DIAPH2: variants seen among roughly 807,000 people sequenced by gnomAD.
DIAPH2 encodes diaphanous related formin 2.
DIAPH2 carries 35 observed loss-of-function variants against 92.7 expected under a neutral mutation model. The observed-to-expected ratio is 0.38, with a 90% CI of 0.29 to 0.50. The LOEUF is 0.50. DIAPH2 is among the 20% of genes least tolerant of loss of function. DIAPH2 has a pLI of 0.94. For synonymous variants in DIAPH2, 301 were observed against 280.4 expected (o/e 1.07, Z -0.73); for missense variants, 701 against 819.5 (o/e 0.86, Z 1.77).
chrX:97,115,030 G>A (rs1569304657), intron 21 of DIAPH2, 65 bp downstream of exon 21: 8 of 1,024,703 alleles, frequency 7.8e-6, no homozygotes, highest in Non-Finnish European at 1.0e-5. Flanking sequence ...AGGTGATACT[G>A]CAAATAGCAA....
chrX:97,517,371 A>C (rs1322125865), intron 26 of DIAPH2, among the ~76,000 whole-genome samples: 1 of 112,185 alleles, frequency 8.9e-6, no homozygotes, highest in Non-Finnish European at 1.9e-5. Flanking sequence ...TCAATGAAAT[A>C]ATAAAGATGA....
intron 26 of DIAPH2, among the ~76,000 whole-genome samples, chrX:97,588,996 A>AATATATATATGTAT (rs2071496835): frequency 3.2e-5 from 1 of 31,721 alleles, no homozygotes; most frequent in Admixed American, 7.2e-4. Flanking sequence ...ATATTATAGA[A>AATATATATATGTAT]ATATATATAT....
At chrX:97,326,771 T>G (rs994015668) in intron 23 of DIAPH2, among the ~76,000 whole-genome samples, 11 of 112,387 alleles carry the variant, frequency 9.8e-5, no homozygotes, top group Non-Finnish European at 1.9e-4. Context: ...AGCATTGCAG[T>G]TTGCAAAGAT....
intron 17 of DIAPH2, among the ~76,000 whole-genome samples, chrX:97,005,866 TC>T (rs1010206467): frequency 2.3e-4 from 25 of 109,959 alleles, no homozygotes; most frequent in Admixed American, 5.8e-4. Context: ...GATCTTGCTT[TC>T]CTAGTTCATT....
rs774703182 is a variant in DIAPH2, at chrX:97,047,158, G to A, written c.2051-25783G>A. On this transcript the variant is annotated intron_variant, in intron 17 of 26. Coordinates refer to ENST00000324765, the MANE Select transcript of DIAPH2 (RefSeq NM_006729.5). ...GGAGATCTGAAGATTAAATGGAAAA[G>A]ATGGAGTAGCTGAATTATGCTACCT... Among the ~76,000 whole-genome samples the A allele has an allele frequency of 3.8e-3, 426 of 111,372 alleles. 1 individual carries two copies. Among genetic ancestry groups the A allele is most frequent in the African/African-American group, 0.013 (403 of 30,686 alleles).
chrX:97,129,117 T>TTTTC (rs2067115055), intron 21 of DIAPH2, among the ~76,000 whole-genome samples: 4 of 80,129 alleles, frequency 5.0e-5, no homozygotes, highest in Admixed American at 1.6e-4. Context: ...TTTTCTTTTC[T>TTTTC]TTTCTTTTCT....
intron 26 of DIAPH2, among the ~76,000 whole-genome samples, chrX:97,595,599 T>C (rs1338631859): frequency 9.0e-6 from 1 of 110,998 alleles, no homozygotes; most frequent in African/African-American, 3.3e-5. Context: ...TCTTTCTTTC[T>C]CTTTCTTTCT....
intron 4 of DIAPH2, among the ~76,000 whole-genome samples, chrX:96,861,234 T>G (rs1024907503): frequency 5.4e-5 from 6 of 111,342 alleles, no homozygotes; most frequent in Admixed American, 1.9e-4. Flanking sequence ...AAAAAATCTA[T>G]TATCAGTAAA....
At chrX:96,713,343 A>AT (rs918143422) in intron 1 of DIAPH2, among the ~76,000 whole-genome samples, 2 of 110,472 alleles carry the variant, frequency 1.8e-5, no homozygotes, top group Non-Finnish European at 3.8e-5. Context: ...GATGAACTCT[A>AT]TTTTTTACAG....
intron 21 of DIAPH2, among the ~76,000 whole-genome samples, chrX:97,127,656 A>C (rs2067102250): frequency 8.9e-6 from 1 of 112,566 alleles, no homozygotes; most frequent in Admixed American, 9.4e-5. Flanking sequence ...ACTTGAACCT[A>C]ACCTATAATT....
At chrX:97,190,382 A>T (rs889569515) in intron 22 of DIAPH2, among the ~76,000 whole-genome samples, 1 of 112,856 alleles carries the variant, frequency 8.9e-6, no homozygotes, top group Non-Finnish European at 1.9e-5. Context: ...TTGTTTCAGC[A>T]GAGTGGAGAG....
intron 25 of DIAPH2, among the ~76,000 whole-genome samples, chrX:97,412,694 G>A (rs767811192): frequency 1.3e-3 from 141 of 110,959 alleles, no homozygotes; most frequent in African/African-American, 4.3e-3. Context: ...AGAATCAAAT[G>A]GACACAATAA....
At chrX:96,775,587 C>T (rs914682786) in intron 4 of DIAPH2, among the ~76,000 whole-genome samples, 1 of 110,765 alleles carries the variant, frequency 9.0e-6, no homozygotes, top group Admixed American at 9.7e-5. Flanking sequence ...CAGTTGTTTT[C>T]GCTTATAGCT....
At chrX:96,864,319 G>A (rs189861216) in intron 4 of DIAPH2, among the ~76,000 whole-genome samples, 1,042 of 100,402 alleles carry the variant, frequency 0.01, 7 homozygotes, top group Non-Finnish European at 0.017. Context: ...TTAACCACAT[G>A]GCTTTCCAGA....
At chrX:96,787,827 A>T (rs1460203611) in intron 4 of DIAPH2, among the ~76,000 whole-genome samples, 1 of 103,367 alleles carries the variant, frequency 9.7e-6, no homozygotes, top group African/African-American at 3.5e-5. Context: ...AGTAGCTGGG[A>T]TTATAGGCAC....
At chrX:97,597,520 A>T (rs987930242) in intron 26 of DIAPH2, among the ~76,000 whole-genome samples, 1 of 110,952 alleles carries the variant, frequency 9.0e-6, no homozygotes, top group Admixed American at 9.5e-5. Context: ...ATGCCTGTTG[A>T]CCTTAGTGTG....
At chrX:97,482,150 A>G (rs916747438) in intron 26 of DIAPH2, among the ~76,000 whole-genome samples, 1 of 112,476 alleles carries the variant, frequency 8.9e-6, no homozygotes, top group Non-Finnish European at 1.9e-5. Context: ...TAATGACCAC[A>G]TACAGCATTA....
At chrX:96,692,359 A>G (rs1017674717) in intron 1 of DIAPH2, among the ~76,000 whole-genome samples, 12 of 112,257 alleles carry the variant, frequency 1.1e-4, no homozygotes, top group Admixed American at 1.0e-3. Context: ...ATCATCCAGC[A>G]TTCATTCCAT....
intron 21 of DIAPH2, among the ~76,000 whole-genome samples, chrX:97,117,001 T>C (rs2147381219): frequency 9.0e-6 from 1 of 111,674 alleles, no homozygotes; most frequent in Admixed American, 9.5e-5. Context: ...CACAAAGATT[T>C]TTGCCAACTT....
Sources: gnomAD v4.1 joint callset for allele counts (sites outside exome capture counted in the v4.1 genomes callset) on GRCh38, gnomAD v4.1.1 for gene constraint, MANE v1.5 for transcripts, NCBI Gene and HGNC (gene_info 2026-07-23, HGNC 2026-07-21) for gene names.